The following CLIP2 variants were observed in gnomAD, a reference collection of about 807,000 sequenced individuals.
CLIP2 encodes CAP-Gly domain-containing linker protein 2.
Under a neutral mutation model 111.7 loss-of-function variants are expected in CLIP2, and 41 were observed. The ratio of observed to expected loss-of-function variants is 0.37; its 90% confidence interval spans 0.29 to 0.48. The LOEUF is 0.48. CLIP2 is among the 20% of genes least tolerant of loss of function. The pLI, the probability that CLIP2 is intolerant of heterozygous loss-of-function variation, is 0.99. For synonymous variants in CLIP2, 660 were observed against 644.2 expected, an observed-to-expected ratio of 1.02 and a Z score of -0.37; for missense variants, 1,160 against 1,422.1, an observed-to-expected ratio of 0.82 and a Z score of 2.96.
rs782731220 is a variant in CLIP2, at chr7:74,353,943, T to C, written c.742T>C (p.Trp248Arg). Reference protein sequence around the residue: ...VGETDFAKGEWCGVELDEPLG... With the variant: ...VGETDFAKGERCGVELDEPLG... Reference sequence around the variant, plus strand: ...GGAGACAGACTTTGCCAAGGGCGAGTGGTGTGGCGTGGAGCTGGACGAGCC... The same window carrying C: ...GGAGACAGACTTTGCCAAGGGCGAGCGGTGTGGCGTGGAGCTGGACGAGCC... The change falls in exon 4 of 17, where the codon TGG (tryptophan) becomes CGG (arginine). Residue 248 changes from tryptophan to arginine, a missense_variant. Coordinates refer to ENST00000223398, the MANE Select transcript of CLIP2 (RefSeq NM_003388.5). 1 of 1,613,030 alleles carries C rather than the reference T, an allele frequency of 6.2e-7. No individual in the cohort carries two copies. The highest frequency in any genetic ancestry group is 8.5e-7 in the Non-Finnish European group (1 of 1,179,838).
At position 74,400,536 on chromosome 7, in the gene CLIP2, G is replaced by A. The variant is rs1554317394; in HGVS notation, c.3047G>A (p.Ser1016Asn). Reference protein sequence around the residue: ...QVEKLMEAMRSCPDKAQTIGN... With the variant: ...QVEKLMEAMRNCPDKAQTIGN... ...GAGAAGCTGATGGAGGCCATGAGGA[G>A]CTGCCCTGACAAGGCCCAGGTGAGC... Residue 1016 changes from serine (S) to asparagine (N), a missense_variant, in exon 15 of 17, where the codon AGC becomes AAC. Transcript: ENST00000223398. 1 of 1,592,514 alleles carries A rather than the reference G, an allele frequency of 6.3e-7. No homozygotes were observed. The highest frequency in any genetic ancestry group is 8.5e-7 in the Non-Finnish European group (1 of 1,169,644).
At chr7:74,302,738 C>T (rs1788373452) in intron 1 of CLIP2, among the ~76,000 whole-genome samples, 2 of 152,198 alleles carry the variant, frequency 1.3e-5, no homozygotes, top group Non-Finnish European at 2.9e-5. Flanking sequence ...TTGCCAGTTT[C>T]ATCTCCCTCC....
intron 1 of CLIP2, among the ~76,000 whole-genome samples, chr7:74,293,891 A>G (rs1554725719): frequency 6.7e-6 from 1 of 149,904 alleles, no homozygotes; most frequent in African/African-American, 2.4e-5. Context: ...TTTGGGTCCA[A>G]CCGGCAGCGT....
At position 74,299,775 on chromosome 7, in the gene CLIP2, C is replaced by T. The variant is rs138940192; in HGVS notation, c.-68+10041C>T. 1.7e-3 allele frequency among the ~76,000 whole-genome samples: 256 copies of T among 152,018 alleles called. 1 individual carries two copies. Among genetic ancestry groups the T allele is most frequent in the African/African-American group, 3.0e-3 (125 of 41,452 alleles). On this transcript the variant is annotated intron_variant, in intron 1 of 16. Transcript: ENST00000223398. ...GTGCAATGGTGTGATCTCGGCTCAC[C>T]GCATCCTCCACCTTCCGGGTTCAAG... is the stretch of plus-strand genomic sequence containing the variant.
At chr7:74,390,218 A>G (rs1791258569) in intron 13 of CLIP2, among the ~76,000 whole-genome samples, 1 of 84,938 alleles carries the variant, frequency 1.2e-5, no homozygotes, top group Non-Finnish European at 2.8e-5. Flanking sequence ...AGAAAGAAAG[A>G]AAGAAAGGAT....
chr7:74,398,270 A>G (rs1562732168), intron 14 of CLIP2, among the ~76,000 whole-genome samples: 2 of 151,926 alleles, frequency 1.3e-5, no homozygotes, highest in African/African-American at 4.8e-5. Context: ...GAGGCAGGAG[A>G]ATCACTTGAA....
intron 8 of CLIP2, among the ~76,000 whole-genome samples, chr7:74,365,042 TGTG>T (rs1790441566): frequency 1.5e-5 from 2 of 135,246 alleles, no homozygotes; most frequent in Non-Finnish European, 3.2e-5. Flanking sequence ...TGTGTGTGTG[TGTG>T]TGTGTGACTG....
At chr7:74,388,029 C>T (rs1791167055) in intron 12 of CLIP2, among the ~76,000 whole-genome samples, 1 of 151,996 alleles carries the variant, frequency 6.6e-6, no homozygotes, top group Non-Finnish European at 1.5e-5. Context: ...TTCTATGAAA[C>T]ATACAAAAAT....
intron 11 of CLIP2, 173 bp from the exon 12 acceptor site, chr7:74,386,348 G>A (rs1791099068): frequency 3.7e-5 from 20 of 541,192 alleles, no homozygotes; most frequent in Non-Finnish European, 5.5e-5. Flanking sequence ...CCAGTGTCAG[G>A]TCCTCTTCTT....
intron 1 of CLIP2, among the ~76,000 whole-genome samples, chr7:74,295,941 A>G (rs1356046607): frequency 7.1e-6 from 1 of 140,602 alleles, no homozygotes; most frequent in African/African-American, 2.7e-5. Flanking sequence ...ATGAGCTATG[A>G]TCGTGCCACT....
intron 13 of CLIP2, among the ~76,000 whole-genome samples, chr7:74,395,330 T>C (rs1315106716): frequency 2.0e-5 from 3 of 152,150 alleles, no homozygotes; most frequent in Admixed American, 2.0e-4. Context: ...CAGCTAATTT[T>C]GTATTTTTAG....
chr7:74,362,927 C>T (rs1002536183), intron 7 of CLIP2, among the ~76,000 whole-genome samples: 33 of 151,980 alleles, frequency 2.2e-4, no homozygotes, highest in Non-Finnish European at 3.8e-4. Flanking sequence ...TTCGGCAGGT[C>T]GCCTGCCCTC....
chr7:74,356,635 G>C lies in CLIP2; in HGVS notation c.1017+12G>C. The stretch of plus-strand genomic sequence containing the variant: ...GCCGCAGTGGCCTGGTGAGGGTGGG[G>C]CTGCAGAAGGGGATTCTCTGGTGTG... On this transcript the variant is annotated intron_variant, in intron 5 of 16. Coordinates refer to ENST00000223398, the MANE Select transcript of CLIP2 (RefSeq NM_003388.5). 1 of 1,606,396 alleles carries C rather than the reference G, an allele frequency of 6.2e-7. No homozygotes were observed. The highest frequency in any genetic ancestry group is 8.5e-7 in the Non-Finnish European group (1 of 1,176,258).
At chr7:74,391,528 C>T (rs1554315856) in intron 13 of CLIP2, among the ~76,000 whole-genome samples, 1 of 151,948 alleles carries the variant, frequency 6.6e-6, no homozygotes, top group East Asian at 1.9e-4. Flanking sequence ...AATTAAAAAT[C>T]AGAAGATGGG....
intron 1 of CLIP2, among the ~76,000 whole-genome samples, chr7:74,296,535 A>G (rs1788173454): frequency 6.6e-6 from 1 of 151,834 alleles, no homozygotes; most frequent in Non-Finnish European, 1.5e-5. Flanking sequence ...CACGCCTGTA[A>G]TCCCAGCACT....
At chr7:74,294,262 G>A in intron 1 of CLIP2, among the ~76,000 whole-genome samples, 1 of 152,194 alleles carries the variant, frequency 6.6e-6, no homozygotes, top group Non-Finnish European at 1.5e-5. Flanking sequence ...TTCTCACTGG[G>A]CTGCAAGGCT....
At chr7:74,368,988 G>A (rs1013655935) in intron 8 of CLIP2, among the ~76,000 whole-genome samples, 4 of 152,204 alleles carry the variant, frequency 2.6e-5, no homozygotes, top group African/African-American at 9.6e-5. Context: ...GAGGTGGGAG[G>A]GTGGTCACTT....
At chr7:74,344,914 C>T (rs1356125631) in intron 3 of CLIP2, among the ~76,000 whole-genome samples, 1 of 152,044 alleles carries the variant, frequency 6.6e-6, no homozygotes, top group African/African-American at 2.4e-5. Flanking sequence ...AGGGCCCTAC[C>T]CAAGGAGGAG....
At chr7:74,370,027 G>A (rs369889862) in intron 8 of CLIP2, among the ~76,000 whole-genome samples, 28 of 76,092 alleles carry the variant, frequency 3.7e-4, no homozygotes, top group African/African-American at 9.7e-4. Context: ...GCATAGTGGT[G>A]CTTGCCTGTA....
Sources: allele counts gnomAD v4.1 joint callset (sites outside exome capture counted in the v4.1 genomes callset), GRCh38; gene constraint gnomAD v4.1.1; transcripts MANE v1.5; gene names NCBI Gene and HGNC (gene_info 2026-07-23, HGNC 2026-07-21).